Variants in RSPH14 observed in about 807,000 individuals in gnomAD.
The protein encoded by RSPH14 is rhabdoid tumor deletion region gene 1.
In RSPH14, 20 loss-of-function variants were observed where a neutral mutation model predicts 26.7. The observed-to-expected ratio is 0.75, with a 90% confidence interval of 0.53 to 1.09. The LOEUF (loss-of-function observed/expected upper bound fraction) is 1.09. Ranked by LOEUF, RSPH14 falls within the 50% of genes least tolerant of loss-of-function variation. The pLI, the probability that RSPH14 is intolerant of heterozygous loss-of-function variation, is 0.00. For missense variants in RSPH14, 449 were observed against 457.2 expected, an observed-to-expected ratio of 0.98 and a Z score of 0.16; for synonymous variants, 177 against 189.3, an observed-to-expected ratio of 0.93 and a Z score of 0.53.
At chr22:23,130,061 A>G (rs1358951829) in intron 4 of RSPH14, among the ~76,000 whole-genome samples, 1 of 34,776 alleles carries the variant, frequency 2.9e-5, no homozygotes, top group Non-Finnish European at 6.1e-5. Context: ...GAGAAAGAAA[A>G]AGAAAGAAAG....
At chr22:23,082,302 C>T (rs548477426) in intron 4 of RSPH14, among the ~76,000 whole-genome samples, 4 of 151,384 alleles carry the variant, frequency 2.6e-5, no homozygotes, top group Admixed American at 6.6e-5. Flanking sequence ...CTGCAACCTC[C>T]GCCTCCCAGG....
the RSPH14 span, among the ~76,000 whole-genome samples, chr22:23,167,392 A>AG: frequency 6.6e-6 from 1 of 152,148 alleles, no homozygotes; most frequent in Admixed American, 6.5e-5. Context: ...GAGGCTCCAC[A>AG]GGGACCGGAG....
intron 5 of RSPH14, among the ~76,000 whole-genome samples, chr22:23,062,466 C>A (rs1320408146): frequency 6.6e-6 from 1 of 152,160 alleles, no homozygotes. Flanking sequence ...GAGAGAGGGT[C>A]AATTCTGTCC....
At chr22:23,122,960 G>T in intron 4 of RSPH14, 1 of 642,250 alleles carries the variant, frequency 1.6e-6, no homozygotes. Flanking sequence ...AGCAGAAGGA[G>T]GTGCCATTGC....
upstream of RSPH14, chr22:23,145,433 C>T: frequency 6.2e-7 from 1 of 1,610,740 alleles, no homozygotes. Context: ...ACCCCGCCCA[C>T]GACGTCGACG....
rs1008145135 is a variant in RSPH14, at chr22:23,096,050, G to A, written c.422-31917C>T. On this transcript the variant is annotated intron_variant, in intron 4 of 6. Coordinates refer to ENST00000216036, the MANE Select transcript of RSPH14 (RefSeq NM_014433.3). ...GACGGGCCCCGCTGAGAGCAAGGGC[G>A]AGATCACACCCGAGCTGCTGGGTGT... The A allele has an allele frequency of 3.1e-6, 5 of 1,607,174 alleles. No homozygotes were observed. The highest frequency in any genetic ancestry group is 3.4e-6 in the Non-Finnish European group (4 of 1,179,938).
chr22:23,060,500 C>A (rs1385319057), intron 6 of RSPH14, among the ~76,000 whole-genome samples: 1 of 151,960 alleles, frequency 6.6e-6, no homozygotes, highest in African/African-American at 2.4e-5. Context: ...CCCAATAGTT[C>A]ATATATGTTG....
At chr22:23,179,835 G>C in the RSPH14 span, 850 of 212,694 alleles carry the variant, frequency 4.0e-3, 8 homozygotes, top group African/African-American at 0.018. Flanking sequence ...GCCTCTCTGT[G>C]AGTTGGGCCC....
At chr22:23,178,579 G>A in the RSPH14 span, among the ~76,000 whole-genome samples, 1 of 152,224 alleles carries the variant, frequency 6.6e-6, no homozygotes. Flanking sequence ...AAGGTCCGCT[G>A]GGTCCAAGGG....
rs146493615 is a variant in RSPH14 at position 23,094,470 on chromosome 22, G to A, written c.422-30337C>T. On this transcript the variant is annotated intron_variant, in intron 4 of 6. Coordinates refer to ENST00000216036, the MANE Select transcript of RSPH14 (RefSeq NM_014433.3). ...GGCCACCCTGCCTTGCCCTGGCCTC[G>A]GTGATTACTACTACCCTTGGGAGCC... 3.3e-5 allele frequency among the ~76,000 whole-genome samples: 5 copies of A among 152,300 alleles called. No individual in the cohort carries two copies. In the East Asian group the frequency reaches 5.8e-4, roughly 18 times the overall value.
chr22:23,062,087 G>T, intron 5 of RSPH14, 142 bp from the exon 6 acceptor site: 2 of 1,032,508 alleles, frequency 1.9e-6, no homozygotes, highest in Non-Finnish European at 2.8e-6. Context: ...CCATGATCCA[G>T]GACTGGTCAT....
chr22:23,098,727 CTG>C (rs2146324843), intron 4 of RSPH14, among the ~76,000 whole-genome samples: 1 of 152,386 alleles, frequency 6.6e-6, no homozygotes, highest in Non-Finnish European at 1.5e-5. Flanking sequence ...CCAGTAATAT[CTG>C]GAGATGGAAA....
At chr22:23,099,435 G>C (rs1364108191) in intron 4 of RSPH14, among the ~76,000 whole-genome samples, 4 of 152,264 alleles carry the variant, frequency 2.6e-5, no homozygotes, top group African/African-American at 4.8e-5. Flanking sequence ...CCAACACCCA[G>C]CTGGGGCTTC....
At chr22:23,136,415 A>G in intron 3 of RSPH14, 1 of 597,588 alleles carries the variant, frequency 1.7e-6, no homozygotes, top group African/African-American at 1.9e-5. Context: ...GACATTGGTT[A>G]TAAGATCACC....
intron 4 of RSPH14, chr22:23,123,195 A>G (rs1401045732): frequency 6.2e-7 from 1 of 1,613,802 alleles, no homozygotes; most frequent in Non-Finnish European, 8.5e-7. Context: ...GCTGGCAGAG[A>G]AGATCCGCCG....
chr22:23,138,690 CAA>C, intron 3 of RSPH14, 148 bp downstream of exon 3: 3 of 616,322 alleles, frequency 4.9e-6, no homozygotes, highest in Non-Finnish European at 8.2e-6. Context: ...AACCACCCCA[CAA>C]AGAGTCCTGC....
At chr22:23,145,242 G>GCCCCCCCCCCCCC, upstream of RSPH14, 2 of 837,616 alleles carry the variant, frequency 2.4e-6, no homozygotes, top group South Asian at 1.6e-5. Context: ...GGCCTCCATA[G>GCCCCCCCCCCCCC]CCCCGCCCAC....
intron 3 of RSPH14, among the ~76,000 whole-genome samples, chr22:23,135,774 C>T (rs1227850243): frequency 6.6e-6 from 1 of 151,850 alleles, no homozygotes; most frequent in Non-Finnish European, 1.5e-5. Flanking sequence ...TAAAGGAAAC[C>T]ATTTCTTCAG....
chr22:23,129,340 A>T (rs1278960752), intron 4 of RSPH14, among the ~76,000 whole-genome samples: 1 of 151,420 alleles, frequency 6.6e-6, no homozygotes, highest in Non-Finnish European at 1.5e-5. Flanking sequence ...CACTCAGTAA[A>T]CCCCGCGATG....
Sources: allele counts gnomAD v4.1 joint callset (sites outside exome capture counted in the v4.1 genomes callset), GRCh38; gene constraint gnomAD v4.1.1; transcripts MANE v1.5; gene names NCBI Gene and HGNC (gene_info 2026-07-23, HGNC 2026-07-21).